Variants in PRKD1 observed in about 807,000 individuals in gnomAD.
The protein encoded by PRKD1 is protein kinase D1.
In PRKD1, 63 loss-of-function variants were observed where a neutral mutation model predicts 95.9. That is an observed-to-expected ratio of 0.66 (90% CI 0.54 to 0.81). PRKD1 has a LOEUF of 0.81. Ranked by LOEUF, PRKD1 falls within the 30% of genes least tolerant of loss-of-function variation. The probability of loss-of-function intolerance (pLI) is 0.00; values close to 1 mark genes in which losing one functional copy is unlikely to be tolerated. For missense variants in PRKD1, 1,048 were observed against 1,165.3 expected, an observed-to-expected ratio of 0.90 and a Z score of 1.47; for synonymous variants, 425 against 423.1, an observed-to-expected ratio of 1.00 and a Z score of -0.05.
chr14:29,690,093 C>T (rs1884141350), intron 2 of PRKD1, among the ~76,000 whole-genome samples: 1 of 152,156 alleles, frequency 6.6e-6, no homozygotes, highest in Non-Finnish European at 1.5e-5. Context: ...CAAACCTGCA[C>T]ATGCTGCACA....
chr14:29,845,915 G>A (rs1275451939), intron 1 of PRKD1, among the ~76,000 whole-genome samples: 2 of 152,096 alleles, frequency 1.3e-5, no homozygotes, highest in Non-Finnish European at 2.9e-5. Context: ...AATCTAAAAT[G>A]GGTTGTTGAT....
chr14:29,685,119 A>G (rs1160064542), intron 2 of PRKD1, among the ~76,000 whole-genome samples: 3 of 152,206 alleles, frequency 2.0e-5, no homozygotes, highest in Admixed American at 6.5e-5. Flanking sequence ...TGCAGGGCCA[A>G]TGTGGCTTCT....
intron 2 of PRKD1, among the ~76,000 whole-genome samples, chr14:29,684,523 G>A (rs1027669568): frequency 6.6e-6 from 1 of 152,140 alleles, no homozygotes; most frequent in Non-Finnish European, 1.5e-5. Flanking sequence ...ATAGCAAATT[G>A]TTGTCAGTGA....
chr14:29,877,053 T>G (rs2095309), intron 1 of PRKD1, among the ~76,000 whole-genome samples: 67,739 of 151,940 alleles, frequency 0.45, 16,877 homozygotes, highest in African/African-American at 0.68. Flanking sequence ...TCGCGAGGCT[T>G]AGGCAGGAGA....
At chr14:29,725,921 G>A (rs1886118442) in intron 1 of PRKD1, among the ~76,000 whole-genome samples, 1 of 152,128 alleles carries the variant, frequency 6.6e-6, no homozygotes, top group East Asian at 1.9e-4. Flanking sequence ...TAGACAGCAA[G>A]AAAACAAGAG....
At chr14:29,923,048 T>C (rs1258771330) in intron 1 of PRKD1, among the ~76,000 whole-genome samples, 1 of 151,748 alleles carries the variant, frequency 6.6e-6, no homozygotes, top group African/African-American at 2.4e-5. Flanking sequence ...CTGGGCAATA[T>C]GGCAAAATAC....
At chr14:29,885,124 T>TAAAA in intron 1 of PRKD1, among the ~76,000 whole-genome samples, 1 of 131,068 alleles carries the variant, frequency 7.6e-6, no homozygotes, top group South Asian at 2.6e-4. Context: ...CTCCATCTTT[T>TAAAA]AAAAAAAAAA....
At chr14:29,802,105 G>A (rs1156585132) in intron 1 of PRKD1, among the ~76,000 whole-genome samples, 1 of 152,114 alleles carries the variant, frequency 6.6e-6, no homozygotes, top group Non-Finnish European at 1.5e-5. Flanking sequence ...GAAAGGAAGG[G>A]AGAGAGGGTG....
intron 3 of PRKD1, among the ~76,000 whole-genome samples, chr14:29,665,771 A>C (rs1190007635): frequency 2.6e-5 from 4 of 152,120 alleles, no homozygotes; most frequent in African/African-American, 9.7e-5. Flanking sequence ...GTATACATAC[A>C]TAGATCTATG....
chr14:29,652,466 G>T (rs961705535), intron 4 of PRKD1, among the ~76,000 whole-genome samples: 1 of 152,144 alleles, frequency 6.6e-6, no homozygotes, highest in Non-Finnish European at 1.5e-5. Context: ...CTTGTGGAAT[G>T]AAATCAGATA....
intron 2 of PRKD1, among the ~76,000 whole-genome samples, chr14:29,678,518 C>T (rs1883358009): frequency 6.6e-6 from 1 of 152,044 alleles, no homozygotes; most frequent in African/African-American, 2.4e-5. Context: ...TTGACAGAAA[C>T]TTCACCTAAG....
chr14:29,595,614 A>T (rs1893270253), intron 16 of PRKD1, among the ~76,000 whole-genome samples: 2 of 152,118 alleles, frequency 1.3e-5, no homozygotes, highest in Admixed American at 6.5e-5. Flanking sequence ...ATAATTTATA[A>T]CTATTCATTT....
chr14:29,675,907 C>G (rs1278048391), intron 2 of PRKD1, among the ~76,000 whole-genome samples: 1 of 146,780 alleles, frequency 6.8e-6, no homozygotes, highest in Non-Finnish European at 1.5e-5. Flanking sequence ...CATGTTCTCA[C>G]TCATAGGTGG....
At chr14:29,921,505 T>C (rs1272307732) in intron 1 of PRKD1, among the ~76,000 whole-genome samples, 3 of 152,180 alleles carry the variant, frequency 2.0e-5, no homozygotes, top group Non-Finnish European at 4.4e-5. Context: ...AAGCAGTATG[T>C]ATGTTACATA....
intron 2 of PRKD1, among the ~76,000 whole-genome samples, chr14:29,693,568 CT>C (rs1797841333): frequency 6.8e-6 from 1 of 147,372 alleles, no homozygotes; most frequent in Admixed American, 6.9e-5. Context: ...ATAATCAATT[CT>C]GAATTTCAAG....
chr14:29,843,590 A>G (rs1247594036), intron 1 of PRKD1, among the ~76,000 whole-genome samples: 1 of 152,188 alleles, frequency 6.6e-6, no homozygotes, highest in Non-Finnish European at 1.5e-5. Context: ...ATTTTTATGC[A>G]TTCAAAACAT....
rs76334821 is a variant in PRKD1, at chr14:29,901,755, C to T, written c.264+25494G>A. 4.4e-3 allele frequency among the ~76,000 whole-genome samples: 676 copies of T among 152,174 alleles called. 7 individuals carry two copies. Among genetic ancestry groups the T allele is most frequent in the African/African-American group, 0.016 (645 of 41,522 alleles). On this transcript the variant is annotated intron_variant, in intron 1 of 17. Coordinates refer to ENST00000331968, the MANE Select transcript of PRKD1 (RefSeq NM_002742.3). The stretch of plus-strand genomic sequence containing the variant: ...ATATTACCTTCTTTTTATCACTATG[C>T]TGGGCCCTTTTCAAAAATACTCACT...
At chr14:29,729,517 T>C (rs748238784) in intron 1 of PRKD1, among the ~76,000 whole-genome samples, 9 of 152,108 alleles carry the variant, frequency 5.9e-5, no homozygotes, top group Non-Finnish European at 1.3e-4. Flanking sequence ...GTGATGTCTC[T>C]TCATTAATTT....
chr14:29,873,818 T>C (rs1344581559), intron 1 of PRKD1, among the ~76,000 whole-genome samples: 1 of 151,574 alleles, frequency 6.6e-6, no homozygotes, highest in Non-Finnish European at 1.5e-5. Context: ...TTGTATATAA[T>C]ATATAAATTA....
Sources: gnomAD v4.1 joint callset for allele counts (sites outside exome capture counted in the v4.1 genomes callset) on GRCh38, gnomAD v4.1.1 for gene constraint, MANE v1.5 for transcripts, NCBI Gene and HGNC (gene_info 2026-07-23, HGNC 2026-07-21) for gene names.